SNX29: variants seen among roughly 807,000 people sequenced by gnomAD.
The protein encoded by SNX29 is sorting nexin 29, also known as sorting nexin-29.
Under a neutral mutation model 102.1 loss-of-function variants are expected in SNX29, and 78 were observed. That is an observed-to-expected ratio of 0.76 (90% confidence interval 0.64 to 0.92). SNX29 has a LOEUF of 0.92. SNX29 is among the 40% of genes least tolerant of loss of function. The pLI, the probability that SNX29 is intolerant of heterozygous loss-of-function variation, is 0.00. For synonymous variants in SNX29, 580 were observed against 414.5 expected (o/e 1.40, Z -4.85); for missense variants, 1,280 against 1,061.7 (o/e 1.21, Z -2.86).
At chr16:12,015,554 G>C (rs1475525258) in intron 3 of SNX29, among the ~76,000 whole-genome samples, 1 of 129,420 alleles carries the variant, frequency 7.7e-6, no homozygotes, top group African/African-American at 3.0e-5. Flanking sequence ...TTTTTTTTCC[G>C]AGACGGAGTC....
Position 12,570,357 on chromosome 16 carries a change from G to C in SNX29, c.*1728G>C. 1 of 517,226 alleles carries C rather than the reference G, an allele frequency of 1.9e-6. No individual in the cohort carries two copies. The highest frequency in any genetic ancestry group is 2.6e-6 in the Non-Finnish European group (1 of 377,534). The allele number at this position is 517,226 out of a possible 1,614,324, so 32.0% of individuals were successfully genotyped here. On this transcript the variant is annotated 3_prime_UTR_variant, in exon 21 of 21. Transcript: ENST00000566228. ...TCCCTCCCACTCACCTGCCAACATT[G>C]CTGCAATACACATGGTTTATCTGAA...
At chr16:12,515,445 C>T in intron 19 of SNX29, 2 of 473,620 alleles carry the variant, frequency 4.2e-6, no homozygotes, top group South Asian at 3.1e-5. Flanking sequence ...CAAGTCACCC[C>T]TGAAATAGAT....
At chr16:12,524,240 A>G (rs1039679500) in intron 19 of SNX29, among the ~76,000 whole-genome samples, 12 of 150,670 alleles carry the variant, frequency 8.0e-5, no homozygotes, top group African/African-American at 2.9e-4. Flanking sequence ...ATTTCGAGAA[A>G]CTCCCCTGAA....
At chr16:12,121,293 G>T (rs1394467487) in intron 11 of SNX29, among the ~76,000 whole-genome samples, 1 of 152,224 alleles carries the variant, frequency 6.6e-6, no homozygotes, top group Non-Finnish European at 1.5e-5. Context: ...TTGTTTGGCT[G>T]TGAGGACACA....
chr16:12,457,546 G>A (rs542309223), intron 18 of SNX29, among the ~76,000 whole-genome samples: 1 of 152,316 alleles, frequency 6.6e-6, no homozygotes, highest in South Asian at 2.1e-4. Context: ...TGGTCTGGAG[G>A]AAGAACACAG....
intron 20 of SNX29, among the ~76,000 whole-genome samples, chr16:12,539,444 G>A (rs1485267325): frequency 6.6e-6 from 1 of 152,182 alleles, no homozygotes; most frequent in Non-Finnish European, 1.5e-5. Flanking sequence ...TTATTACTGA[G>A]CAGAGTTTGG....
intron 18 of SNX29, among the ~76,000 whole-genome samples, chr16:12,429,402 TGTAAAC>T (rs1243898349): frequency 6.6e-6 from 1 of 152,218 alleles, no homozygotes; most frequent in African/African-American, 2.4e-5. Flanking sequence ...TCGTGTCACA[TGTAAAC>T]GTCTGTGTTC....
intron 15 of SNX29, among the ~76,000 whole-genome samples, chr16:12,341,224 G>T (rs1435555558): frequency 6.6e-6 from 1 of 152,230 alleles, no homozygotes; most frequent in East Asian, 1.9e-4. Flanking sequence ...CAAGTCTTGT[G>T]ATGGATAGAC....
At chr16:12,389,137 G>A (rs996182605) in intron 16 of SNX29, among the ~76,000 whole-genome samples, 4 of 152,136 alleles carry the variant, frequency 2.6e-5, no homozygotes, top group Admixed American at 6.6e-5. Flanking sequence ...TAACACTAGC[G>A]CGAGCCAGTT....
At chr16:12,105,810 G>T (rs1165039569) in intron 11 of SNX29, among the ~76,000 whole-genome samples, 1 of 152,172 alleles carries the variant, frequency 6.6e-6, no homozygotes. Flanking sequence ...GGAGAGATTA[G>T]CTTGGAAAGA....
intron 20 of SNX29, among the ~76,000 whole-genome samples, chr16:12,533,550 T>C (rs2076987852): frequency 6.6e-6 from 1 of 152,192 alleles, no homozygotes; most frequent in Non-Finnish European, 1.5e-5. Context: ...CCTCATTTCT[T>C]ACTTTCTTAG....
At chr16:12,062,668 C>A (rs2050829148) in intron 9 of SNX29, among the ~76,000 whole-genome samples, 1 of 152,066 alleles carries the variant, frequency 6.6e-6, no homozygotes, top group African/African-American at 2.4e-5. Flanking sequence ...GGCGCCTCCT[C>A]GTTTTCTTAG....
intron 3 of SNX29, among the ~76,000 whole-genome samples, chr16:12,014,042 C>T (rs540608325): frequency 5.3e-5 from 8 of 152,032 alleles, no homozygotes; most frequent in Non-Finnish European, 8.8e-5. Flanking sequence ...AGTGATCCTC[C>T]CTCCTCAAAC....
chr16:12,442,230 A>G (rs759541922), intron 18 of SNX29, among the ~76,000 whole-genome samples: 1 of 152,188 alleles, frequency 6.6e-6, no homozygotes, highest in Non-Finnish European at 1.5e-5. Context: ...AGTTGACTAT[A>G]GATGAATGGG....
intron 10 of SNX29, among the ~76,000 whole-genome samples, chr16:12,069,391 A>G (rs867146759): frequency 6.0e-5 from 9 of 150,854 alleles, no homozygotes; most frequent in Non-Finnish European, 8.9e-5. Flanking sequence ...TGAGCCTCCC[A>G]AGTAGTTGGA....
intron 14 of SNX29, among the ~76,000 whole-genome samples, chr16:12,235,943 T>G (rs761971917): frequency 2.0e-5 from 3 of 152,154 alleles, no homozygotes; most frequent in Non-Finnish European, 4.4e-5. Flanking sequence ...ACTTAGGGAT[T>G]ACTGGAAAAG....
chr16:12,001,550 G>A lies in SNX29; in HGVS notation c.70-1441G>A, dbSNP rs1364038077. Reference sequence around the variant, plus strand: ...TATAATAAAATATAGCCATTTAAGTGTACAGTTTCATGTGTTTTGACAAAT... The same window carrying A: ...TATAATAAAATATAGCCATTTAAGTATACAGTTTCATGTGTTTTGACAAAT... On this transcript the variant is annotated intron_variant, in intron 2 of 20. Coordinates refer to ENST00000566228, the MANE Select transcript of SNX29 (RefSeq NM_032167.5). Among the ~76,000 whole-genome samples the A allele has an allele frequency of 2.0e-5, 3 of 151,858 alleles. No homozygotes were observed. In the East Asian group the frequency reaches 5.8e-4, roughly 29 times the overall value.
chr16:12,334,901 C>CTTTTT lies in SNX29; in HGVS notation c.1783-21246_1783-21242dup, dbSNP rs36176543. Among the ~76,000 whole-genome samples, 628 of 93,580 alleles carry CTTTTT rather than the reference C, an allele frequency of 6.7e-3. 16 individuals are homozygous for CTTTTT. The highest frequency in any genetic ancestry group is 8.7e-3 in the East Asian group (22 of 2,528). 61.4% of individuals were successfully genotyped at this position (93,580 alleles called of 152,430 possible). A position where few individuals can be genotyped will look rare whatever the true frequency, so the allele number is the denominator to read the frequency against. Reference sequence around the variant, plus strand: ...TGCTTTAAGTTATCAGCCCCAGAGCCTTTTTTTTTTTTTTTTTTTTAAAAA... The same window carrying CTTTTT: ...TGCTTTAAGTTATCAGCCCCAGAGCCTTTTTTTTTTTTTTTTTTTTTTTTTAAAAA... On this transcript the variant is annotated intron_variant, in intron 15 of 20. Coordinates refer to ENST00000566228, the MANE Select transcript of SNX29 (RefSeq NM_032167.5).
intron 20 of SNX29, among the ~76,000 whole-genome samples, chr16:12,543,431 G>A (rs563792138): frequency 1.3e-5 from 2 of 152,312 alleles, no homozygotes; most frequent in East Asian, 1.9e-4. Context: ...GAAAGTGGGT[G>A]GGCAAACATA....
Sources: allele counts gnomAD v4.1 joint callset (sites outside exome capture counted in the v4.1 genomes callset), GRCh38; gene constraint gnomAD v4.1.1; transcripts MANE v1.5; gene names NCBI Gene and HGNC (gene_info 2026-07-23, HGNC 2026-07-21).